TRDN: variants seen among roughly 807,000 people sequenced by gnomAD.
The protein encoded by TRDN is triadin.
TRDN carries 161 observed loss-of-function variants against 149.7 expected under a neutral mutation model. That is an observed-to-expected ratio of 1.08 (90% CI 0.95 to 1.23). The LOEUF is 1.23. TRDN is among the 50% of genes most tolerant of loss of function. The pLI is 0.00. For synonymous variants in TRDN, 294 were observed against 250.5 expected (o/e 1.17, Z -1.64); for missense variants, 896 against 823.5 (o/e 1.09, Z -1.08).
intron 10 of TRDN, chr6:123,464,106 A>G (rs1036574317): frequency 6.5e-6 from 2 of 306,490 alleles, no homozygotes; most frequent in Middle Eastern, 3.1e-3. Flanking sequence ...CTGGTGTTTT[A>G]TATAGGCAAA....
chr6:123,219,971 T>C (rs992376983), intron 40 of TRDN, among the ~76,000 whole-genome samples: 1 of 151,850 alleles, frequency 6.6e-6, no homozygotes, highest in South Asian at 2.1e-4. Flanking sequence ...ATTTAATTGA[T>C]GTTGAATAAG....
intron 1 of TRDN, among the ~76,000 whole-genome samples, chr6:123,573,795 C>T (rs887538315): frequency 5.3e-5 from 8 of 151,938 alleles, no homozygotes; most frequent in African/African-American, 1.7e-4. Context: ...AACTGAATTC[C>T]TTAAATTAGA....
chr6:123,504,164 T>C (rs376754147), intron 7 of TRDN, among the ~76,000 whole-genome samples: 5 of 152,040 alleles, frequency 3.3e-5, no homozygotes, highest in African/African-American at 9.7e-5. Context: ...TTTTAATTTG[T>C]ACATGAAAAC....
intron 37 of TRDN, among the ~76,000 whole-genome samples, chr6:123,254,247 GC>G (rs1352284457): frequency 6.6e-6 from 1 of 151,928 alleles, no homozygotes; most frequent in African/African-American, 2.4e-5. Context: ...AAATGTAATT[GC>G]CCTTCAATTG....
intron 38 of TRDN, among the ~76,000 whole-genome samples, chr6:123,226,150 C>T (rs1775355014): frequency 6.6e-6 from 1 of 151,676 alleles, no homozygotes. Flanking sequence ...AATATTTAAA[C>T]ATAGGTTTAA....
At chr6:123,498,001 A>G (rs931959712) in intron 8 of TRDN, among the ~76,000 whole-genome samples, 2 of 152,074 alleles carry the variant, frequency 1.3e-5, no homozygotes, top group African/African-American at 4.8e-5. Context: ...TATTCCCTCT[A>G]GATTAAAGAC....
At chr6:123,329,989 C>G (rs759121140) in intron 23 of TRDN, among the ~76,000 whole-genome samples, 3 of 151,974 alleles carry the variant, frequency 2.0e-5, no homozygotes, top group Admixed American at 1.3e-4. Flanking sequence ...TTGCCCCTGT[C>G]CCCATCACTA....
chr6:123,407,555 C>T (rs1773246881), intron 12 of TRDN, among the ~76,000 whole-genome samples: 1 of 152,132 alleles, frequency 6.6e-6, no homozygotes, highest in Non-Finnish European at 1.5e-5. Flanking sequence ...ATCTCTCCTC[C>T]TAAGCTGCAC....
intron 9 of TRDN, among the ~76,000 whole-genome samples, chr6:123,492,933 A>G (rs529147107): frequency 6.6e-6 from 1 of 152,024 alleles, no homozygotes; most frequent in South Asian, 2.1e-4. Flanking sequence ...TTCTGTCTCA[A>G]TCTCTCCCCG....
intron 10 of TRDN, among the ~76,000 whole-genome samples, chr6:123,460,679 G>C (rs986724372): frequency 1.3e-5 from 2 of 151,616 alleles, no homozygotes; most frequent in Admixed American, 1.3e-4. Flanking sequence ...ATATCTCACT[G>C]AGGAGCTAAG....
intron 38 of TRDN, among the ~76,000 whole-genome samples, chr6:123,239,321 G>A (rs1178885995): frequency 6.6e-6 from 1 of 152,102 alleles, no homozygotes; most frequent in Non-Finnish European, 1.5e-5. Context: ...AGGAGGAGAT[G>A]TCAATATAGT....
chr6:123,402,292 C>G (rs546487802), intron 12 of TRDN, among the ~76,000 whole-genome samples: 2 of 152,140 alleles, frequency 1.3e-5, no homozygotes, highest in East Asian at 3.9e-4. Flanking sequence ...TCACAGGCAG[C>G]CAACTGATCA....
chr6:123,510,021 A>G (rs1374959646), intron 7 of TRDN: 2 of 152,178 alleles, frequency 1.3e-5, no homozygotes, highest in Non-Finnish European at 2.9e-5. Context: ...AATGTCCACT[A>G]GATTTCATAC....
chr6:123,596,744 T>G (rs1583303052), intron 1 of TRDN, among the ~76,000 whole-genome samples: 1 of 152,054 alleles, frequency 6.6e-6, no homozygotes, highest in East Asian at 1.9e-4. Flanking sequence ...TTTTAATCTA[T>G]CAGTGGAATG....
intron 38 of TRDN, among the ~76,000 whole-genome samples, chr6:123,235,030 CCA>C (rs1365289262): frequency 2.0e-5 from 3 of 151,904 alleles, no homozygotes; most frequent in African/African-American, 7.3e-5. Flanking sequence ...ATTTCTCCCC[CCA>C]AAATGGATAG....
At chr6:123,620,804 C>T (rs183936695) in intron 1 of TRDN, among the ~76,000 whole-genome samples, 1 of 152,182 alleles carries the variant, frequency 6.6e-6, no homozygotes, top group Admixed American at 6.6e-5. Flanking sequence ...AAGTGGAAAC[C>T]TAAGTTTTGC....
chr6:123,436,240 A>T (rs2114586999), intron 12 of TRDN, among the ~76,000 whole-genome samples: 1 of 152,284 alleles, frequency 6.6e-6, no homozygotes, highest in African/African-American at 2.4e-5. Context: ...TCAGATTCAT[A>T]GAGTCAGAAC....
intron 22 of TRDN, among the ~76,000 whole-genome samples, chr6:123,333,078 A>G (rs1406046825): frequency 2.6e-5 from 4 of 152,020 alleles, no homozygotes; most frequent in African/African-American, 9.7e-5. Flanking sequence ...TGAAATCAAG[A>G]GTCATGAATT....
chr6:123,287,947 A>C (rs1415857177), intron 24 of TRDN, among the ~76,000 whole-genome samples: 1 of 151,970 alleles, frequency 6.6e-6, no homozygotes, highest in African/African-American at 2.4e-5. Flanking sequence ...TTTTTATTAT[A>C]GTTATTATAT....
Sources: gnomAD v4.1 joint callset for allele counts (sites outside exome capture counted in the v4.1 genomes callset) on GRCh38, gnomAD v4.1.1 for gene constraint, MANE v1.5 for transcripts, NCBI Gene and HGNC (gene_info 2026-07-23, HGNC 2026-07-21) for gene names.